The following PCLO variants were observed in gnomAD, a reference collection of about 807,000 sequenced individuals.
The protein encoded by PCLO is piccolo presynaptic cytomatrix protein, also known as protein piccolo.
Under a neutral mutation model 427.5 loss-of-function variants are expected in PCLO, and 82 were observed. The observed-to-expected ratio is 0.19, with a 90% CI of 0.16 to 0.23. The LOEUF (loss-of-function observed/expected upper bound fraction) is 0.23. PCLO is among the 10% of genes least tolerant of loss of function. PCLO has a pLI of 1.00. For missense variants in PCLO, 6,239 were observed against 6,115.9 expected, an observed-to-expected ratio of 1.02 and a Z score of -0.67; for synonymous variants, 2,357 against 2,155.4, an observed-to-expected ratio of 1.09 and a Z score of -2.59.
intron 3 of PCLO, among the ~76,000 whole-genome samples, chr7:83,076,698 G>C (rs1250459241): frequency 7.1e-6 from 1 of 141,220 alleles, no homozygotes; most frequent in Non-Finnish European, 1.5e-5. Flanking sequence ...GTGCATGTTA[G>C]TTACATATTT....
In PCLO at chr7:82,758,319, A is replaced by G. The variant is rs1790359675; in HGVS notation, c.*256T>C. The G allele has an allele frequency of 6.1e-6, 2 of 327,768 alleles. No individual in the cohort carries two copies. Among genetic ancestry groups the G allele is most frequent in the East Asian group, 5.2e-5 (1 of 19,346 alleles). 20.3% of individuals were successfully genotyped at this position (327,768 alleles called of 1,614,324 possible). ...CTTAAGTAATCAAAATTTGTTTCACAGTTTCTCTTCACAGCCATGGGAAAT... is the reference window on the plus strand; with the variant it reads ...CTTAAGTAATCAAAATTTGTTTCACGGTTTCTCTTCACAGCCATGGGAAAT... On this transcript the variant is annotated 3_prime_UTR_variant, in exon 25 of 25. Coordinates refer to ENST00000333891, the MANE Select transcript of PCLO (RefSeq NM_033026.6).
intron 10 of PCLO, among the ~76,000 whole-genome samples, chr7:82,855,882 C>T (rs1194946395): frequency 6.6e-6 from 1 of 152,064 alleles, no homozygotes; most frequent in Non-Finnish European, 1.5e-5. Flanking sequence ...TAGGGACCAG[C>T]ATCCTGCTTG....
At chr7:83,144,753 A>C (rs1369780517) in intron 2 of PCLO, among the ~76,000 whole-genome samples, 5 of 152,092 alleles carry the variant, frequency 3.3e-5, no homozygotes, top group Non-Finnish European at 7.4e-5. Context: ...TCCTATCAAT[A>C]AGTTAAAAAC....
At chr7:83,024,163 C>T (rs1004963563) in intron 3 of PCLO, among the ~76,000 whole-genome samples, 4 of 152,160 alleles carry the variant, frequency 2.6e-5, no homozygotes, top group African/African-American at 9.7e-5. Flanking sequence ...ACGCAGAAGA[C>T]GGGTGATTTC....
intron 6 of PCLO, among the ~76,000 whole-genome samples, chr7:82,942,410 A>T (rs759830294): frequency 1.3e-5 from 2 of 152,158 alleles, no homozygotes; most frequent in Non-Finnish European, 2.9e-5. Flanking sequence ...GTTAATTTGC[A>T]TATTTTGAAA....
Position 82,954,317 on chromosome 7 carries a change from C to A in PCLO, c.6636G>T (p.Glu2212Asp). 1 of 1,613,616 alleles carries A rather than the reference C, an allele frequency of 6.2e-7. No homozygotes were observed. The highest frequency in any genetic ancestry group is 8.5e-7 in the Non-Finnish European group (1 of 1,179,610). ...CAAATTTAGTTATCATGTCCACTGG[C>A]TCTGTATAAACTGTGGTTATGCTAT... Reference protein sequence around the residue: ...TLDSITTVYTEPVDMITKFED... With the variant: ...TLDSITTVYTDPVDMITKFED... Residue 2212 changes from glutamate to aspartate, a missense_variant, in exon 5 of 25, where the codon GAG becomes GAT. Coordinates refer to ENST00000333891, the MANE Select transcript of PCLO (RefSeq NM_033026.6).
At chr7:83,102,660 T>C (rs1790764523) in intron 3 of PCLO, among the ~76,000 whole-genome samples, 5 of 151,942 alleles carry the variant, frequency 3.3e-5, no homozygotes, top group African/African-American at 1.2e-4. Flanking sequence ...ATGTAAATTA[T>C]CTCCTAAAGT....
At chr7:83,029,967 G>T (rs187491847) in intron 3 of PCLO, among the ~76,000 whole-genome samples, 1 of 113,930 alleles carries the variant, frequency 8.8e-6, no homozygotes, top group Non-Finnish European at 1.8e-5. Flanking sequence ...GTTGTGGGGT[G>T]GGGGGAGGGG....
intron 1 of PCLO, among the ~76,000 whole-genome samples, chr7:83,161,925 A>C (rs933367156): frequency 6.6e-6 from 1 of 152,230 alleles, no homozygotes; most frequent in African/African-American, 2.4e-5. Flanking sequence ...GACATCATTC[A>C]CAGAGAAAAA....
At chr7:83,071,011 A>G (rs987223762) in intron 3 of PCLO, among the ~76,000 whole-genome samples, 3 of 147,912 alleles carry the variant, frequency 2.0e-5, no homozygotes, top group African/African-American at 5.0e-5. Context: ...TTCTTTTTCT[A>G]TTTTTTTTTT....
At chr7:83,073,367 T>C (rs1163785345) in intron 3 of PCLO, among the ~76,000 whole-genome samples, 4 of 152,032 alleles carry the variant, frequency 2.6e-5, no homozygotes, top group African/African-American at 7.2e-5. Context: ...ATTGAGTACA[T>C]TCAATGTACC....
At chr7:83,059,819 A>G (rs1231927677) in intron 3 of PCLO, among the ~76,000 whole-genome samples, 1 of 152,134 alleles carries the variant, frequency 6.6e-6, no homozygotes, top group Non-Finnish European at 1.5e-5. Context: ...AGCAGAATGG[A>G]AAGACATACA....
intron 20 of PCLO, among the ~76,000 whole-genome samples, chr7:82,820,189 C>T (rs759411379): frequency 6.6e-6 from 1 of 152,164 alleles, no homozygotes; most frequent in Non-Finnish European, 1.5e-5. Flanking sequence ...CAAAGTAGAT[C>T]AGACGTGGGA....
At chr7:82,824,180 A>T in intron 19 of PCLO, 56 bp downstream of exon 19, 1 of 1,191,428 alleles carries the variant, frequency 8.4e-7, no homozygotes. Flanking sequence ...CACTAAGAAG[A>T]TACAGACTGA....
At chr7:82,934,489 T>A (rs2116352795) in intron 6 of PCLO, among the ~76,000 whole-genome samples, 1 of 151,976 alleles carries the variant, frequency 6.6e-6, no homozygotes, top group South Asian at 2.1e-4. Context: ...CTAACGATGT[T>A]TATTTTAACT....
chr7:83,038,012 TA>T lies in PCLO; in HGVS notation c.3301-71526del, dbSNP rs1324626774. On this transcript the variant is annotated intron_variant, in intron 3 of 24. Transcript: ENST00000333891. ...GCTTATATATATATATATATATATA[TA>T]TATATATATATATATATTTATATAT... Among the ~76,000 whole-genome samples the T allele has an allele frequency of 1.7e-4, 8 of 46,646 alleles. 2 individuals are homozygous for T. Among genetic ancestry groups the T allele is most frequent in the African/African-American group, 1.1e-3 (8 of 7,070 alleles). The allele number at this position is 46,646 out of a possible 152,430, so 30.6% of individuals were successfully genotyped here.
At chr7:83,081,806 C>T (rs1044959583) in intron 3 of PCLO, among the ~76,000 whole-genome samples, 3 of 151,654 alleles carry the variant, frequency 2.0e-5, no homozygotes, top group African/African-American at 7.2e-5. Context: ...CTTTGCATTG[C>T]ATAATTGCTT....
chr7:82,799,032 G>A (rs1791286958), intron 22 of PCLO, among the ~76,000 whole-genome samples: 1 of 152,112 alleles, frequency 6.6e-6, no homozygotes, highest in African/African-American at 2.4e-5. Context: ...AGTTTTGTGT[G>A]GGACTGATAT....
chr7:82,951,277 G>A lies in PCLO; in HGVS notation c.9311C>T (p.Thr3104Ile). The A allele has an allele frequency of 6.2e-7, 1 of 1,613,460 alleles. No homozygotes were observed. Among genetic ancestry groups the A allele is most frequent in the Non-Finnish European group, 8.5e-7 (1 of 1,179,684 alleles). The change falls in exon 6 of 25, where the codon ACC (threonine) becomes ATC (isoleucine). Residue 3104 changes from threonine to isoleucine, a missense_variant. By Grantham distance (89) the Thr-to-Ile change is moderately conservative. Around this residue, in one of 5 missense-constraint regions of PCLO, gnomAD observed 4,677 missense variants for 4,468.4 expected, o/e 1.05. Coordinates refer to ENST00000333891, the MANE Select transcript of PCLO (RefSeq NM_033026.6). ...GCTGAAAATGGAGCCAGGTTGTGTG[G>A]TGATAGCAAATGTAGAGGGTGTTGG... ...ATPTPSTFAI[T>I]TQPGSIFSTT...
Sources: gnomAD v4.1 joint callset for allele counts (sites outside exome capture counted in the v4.1 genomes callset) on GRCh38, gnomAD v4.1.1 for gene constraint, gnomAD v4.1.1 regional missense constraint, MANE v1.5 for transcripts, NCBI Gene and HGNC (gene_info 2026-07-23, HGNC 2026-07-21) for gene names.